Variants in SMAD1 observed in about 807,000 individuals in gnomAD.
The protein encoded by SMAD1 is MAD, mothers against decapentaplegic homolog 1.
Under a neutral mutation model 41.6 loss-of-function variants are expected in SMAD1, and 6 were observed. The observed-to-expected ratio is 0.14, with a 90% CI of 0.08 to 0.28. The LOEUF is 0.28. Ranked by LOEUF, SMAD1 falls within the 10% of genes least tolerant of loss-of-function variation. The pLI, the probability that SMAD1 is intolerant of heterozygous loss-of-function variation, is 1.00. For synonymous variants in SMAD1, 206 were observed against 203.2 expected (o/e 1.01, Z -0.12); for missense variants, 379 against 582.6 (o/e 0.65, Z 3.60).
chr4:145,550,343 G>A (rs1304506222), intron 5 of SMAD1, among the ~76,000 whole-genome samples: 2 of 151,976 alleles, frequency 1.3e-5, no homozygotes, highest in African/African-American at 4.8e-5. Context: ...TGGAACCCGG[G>A]TCTCTACTAA....
intron 2 of SMAD1, among the ~76,000 whole-genome samples, chr4:145,530,628 C>A (rs7658436): frequency 0.18 from 27,030 of 151,962 alleles, 5,422 homozygotes; most frequent in African/African-American, 0.49. Flanking sequence ...ATGTTCACAT[C>A]TTTGTCTTTT....
chr4:145,514,340 A>G lies in SMAD1; in HGVS notation c.-176-98A>G, dbSNP rs1730257023. On this transcript the variant is annotated intron_variant, in intron 1 of 6. Transcript: ENST00000302085. This position sits in a 1 kb window ranked among gnomAD's most constrained non-coding sequence, Gnocchi z 4.7. ...TTCAGTCCACAGCATACTGTATTAC[A>G]TAAAAGCACTTAAAATAGTACCTAG... 2.9e-6 allele frequency: 1 copy of G among 343,840 alleles called. No homozygotes were observed. The highest frequency in any genetic ancestry group is 5.2e-6 in the Non-Finnish European group (1 of 191,304). 21.3% of individuals were successfully genotyped at this position (343,840 alleles called of 1,614,324 possible). A position where few individuals can be genotyped will look rare whatever the true frequency, so the allele number is the denominator to read the frequency against.
intron 5 of SMAD1, among the ~76,000 whole-genome samples, chr4:145,553,577 TGGCC>T (rs1732672626): frequency 2.0e-5 from 3 of 152,158 alleles, no homozygotes; most frequent in Non-Finnish European, 4.4e-5. Flanking sequence ...TCCTGCTATG[TGGCC>T]TGGTTTCTAA....
chr4:145,551,664 G>A (rs532367501), intron 5 of SMAD1, among the ~76,000 whole-genome samples: 1 of 152,274 alleles, frequency 6.6e-6, no homozygotes, highest in African/African-American at 2.4e-5. Flanking sequence ...AATAAACTAC[G>A]AGAGCATATC....
chr4:145,536,623 C>T (rs1345865993), intron 2 of SMAD1, among the ~76,000 whole-genome samples: 1 of 152,066 alleles, frequency 6.6e-6, no homozygotes, highest in Non-Finnish European at 1.5e-5. Context: ...TATTAGAATT[C>T]TGACTAATAA....
intron 4 of SMAD1, among the ~76,000 whole-genome samples, chr4:145,543,209 C>T (rs554669586): frequency 4.6e-5 from 7 of 152,276 alleles, no homozygotes; most frequent in Admixed American, 1.3e-4. Flanking sequence ...TCAGGTGATC[C>T]GCCCACCTTG....
At chr4:145,540,638 T>C (rs1731870796) in intron 3 of SMAD1, among the ~76,000 whole-genome samples, 2 of 152,288 alleles carry the variant, frequency 1.3e-5, no homozygotes, top group East Asian at 3.9e-4. Flanking sequence ...TTATCCTCTT[T>C]TTCTAGACAT....
At chr4:145,525,158 ACTTTCAGCCT>A (rs1352818793) in intron 2 of SMAD1, among the ~76,000 whole-genome samples, 1 of 152,200 alleles carries the variant, frequency 6.6e-6, no homozygotes, top group African/African-American at 2.4e-5. Context: ...ATTTGGTTTT[ACTTTCAGCCT>A]CTTTGGTGCT....
At chr4:145,481,787 G>T, upstream of SMAD1, 1 of 191,560 alleles carries the variant, frequency 5.2e-6, no homozygotes, top group South Asian at 1.0e-4. Flanking sequence ...GCAGGCGAGT[G>T]CGCCGGGTAT....
At chr4:145,505,797 G>A (rs1729742667) in intron 1 of SMAD1, among the ~76,000 whole-genome samples, 2 of 151,896 alleles carry the variant, frequency 1.3e-5, no homozygotes, top group South Asian at 4.1e-4. Context: ...CACTTAGGTG[G>A]TTTTGTTACT....
At chr4:145,532,784 T>A (rs931329782) in intron 2 of SMAD1, among the ~76,000 whole-genome samples, 5 of 152,140 alleles carry the variant, frequency 3.3e-5, no homozygotes, top group African/African-American at 1.2e-4. Flanking sequence ...ATAGAACAAG[T>A]CAGAGGGAAA....
chr4:145,495,677 G>C (rs1729033021), intron 1 of SMAD1, among the ~76,000 whole-genome samples: 1 of 146,536 alleles, frequency 6.8e-6, no homozygotes, highest in South Asian at 2.1e-4. Context: ...CTGAAGGCTG[G>C]TGATCACAGC....
intron 1 of SMAD1, among the ~76,000 whole-genome samples, chr4:145,504,327 G>C (rs1201494396): frequency 1.3e-5 from 2 of 152,216 alleles, no homozygotes; most frequent in East Asian, 3.9e-4. Flanking sequence ...GTATTTTCTG[G>C]AACTGAAATA....
chr4:145,491,956 A>G (rs1204901929), intron 1 of SMAD1, among the ~76,000 whole-genome samples: 1 of 152,202 alleles, frequency 6.6e-6, no homozygotes, highest in African/African-American at 2.4e-5. Context: ...GGACGAGTTT[A>G]TGAGGTATTA....
At chr4:145,554,245 T>A (rs1379645270) in intron 6 of SMAD1, among the ~76,000 whole-genome samples, 1 of 152,164 alleles carries the variant, frequency 6.6e-6, no homozygotes, top group African/African-American at 2.4e-5. Flanking sequence ...TTGTATTAAA[T>A]ATCAATAGCA....
At chr4:145,501,941 A>G (rs1190246079) in intron 1 of SMAD1, among the ~76,000 whole-genome samples, 1 of 152,204 alleles carries the variant, frequency 6.6e-6, no homozygotes, top group Non-Finnish European at 1.5e-5. Context: ...ATGCTTGTAT[A>G]AGTTGGTAAC....
At chr4:145,518,812 GT>G (rs1730565247) in intron 2 of SMAD1, among the ~76,000 whole-genome samples, 1 of 125,692 alleles carries the variant, frequency 8.0e-6, no homozygotes, top group African/African-American at 2.5e-5. Context: ...GTTTAGAGTA[GT>G]GGTTTTCAAA....
At chr4:145,555,122 T>G (rs2126560420) in intron 6 of SMAD1, among the ~76,000 whole-genome samples, 1 of 152,328 alleles carries the variant, frequency 6.6e-6, no homozygotes, top group South Asian at 2.1e-4. Flanking sequence ...GCAGTATACT[T>G]CAACAGTTAT....
At chr4:145,530,151 A>G (rs1731244074) in intron 2 of SMAD1, among the ~76,000 whole-genome samples, 1 of 152,228 alleles carries the variant, frequency 6.6e-6, no homozygotes, top group Non-Finnish European at 1.5e-5. Context: ...GTCCAGGTGA[A>G]GTAAAGTCAA....
Sources: gnomAD v4.1 joint callset for allele counts (sites outside exome capture counted in the v4.1 genomes callset) on GRCh38, gnomAD v4.1.1 for gene constraint, Gnocchi (gnomAD v3.1) non-coding constraint, MANE v1.5 for transcripts, NCBI Gene and HGNC (gene_info 2026-07-23, HGNC 2026-07-21) for gene names.